SEC16A: variants seen among roughly 807,000 people sequenced by gnomAD.
SEC16A encodes the protein protein transport protein Sec16A.
Under a neutral mutation model 221.9 loss-of-function variants are expected in SEC16A, and 110 were observed. That is an observed-to-expected ratio of 0.50 (90% CI 0.42 to 0.58). SEC16A has a LOEUF of 0.58. SEC16A is among the 20% of genes least tolerant of loss of function. The pLI, the probability that SEC16A is intolerant of heterozygous loss-of-function variation, is 0.00. For missense variants in SEC16A, 3,165 were observed against 3,097.8 expected (o/e 1.02, Z -0.52); for synonymous variants, 1,393 against 1,257.7 (o/e 1.11, Z -2.28).
At position 136,450,006 on chromosome 9, in the gene SEC16A, C is replaced by A. The variant is rs376629309; in HGVS notation, c.6312+1250G>T. ...ATCACTTGAGGTCAGGAGTTTGAGA[C>A]CAGCCTGGCCAACATGGTGAAACCC... On this transcript the variant is annotated intron_variant, in intron 23 of 31. Transcript: ENST00000684901. Among the ~76,000 whole-genome samples, 50 of 152,220 alleles carry A rather than the reference C, an allele frequency of 3.3e-4. No individual in the cohort carries two copies. The East Asian group carries it at 6.0e-3, about 18-fold the overall frequency.
chr9:136,476,546 G>C lies in SEC16A; in HGVS notation c.1070C>G (p.Ser357Cys), dbSNP rs1421610177. Residue 357 changes from serine to cysteine, a missense_variant, in exon 3 of 32, where the codon TCT (serine) becomes TGT (cysteine). By Grantham distance (112) the Ser-to-Cys change is moderately radical (BLOSUM62 -1). This residue lies in a region of SEC16A where 2,030 missense variants were observed against 1,923.1 expected (regional missense o/e 1.06). Transcript: ENST00000684901. ...THHPLGAGAG[S>C]GCAPLEADSG... The stretch of plus-strand genomic sequence containing the variant: ...GTCTGCTTCTAGCGGGGCACAGCCA[G>C]ACCCGGCCCCAGCCCCCAGTGGGTG... 6.2e-7 allele frequency: 1 copy of C among 1,611,356 alleles called. No individual in the cohort carries two copies. Among genetic ancestry groups the C allele is most frequent in the Non-Finnish European group, 8.5e-7 (1 of 1,178,178 alleles).
rs758207088 is a variant in SEC16A, at chr9:136,463,774, A to G, written c.4447-34T>C. On this transcript the variant is annotated intron_variant, in intron 9 of 31. Coordinates refer to ENST00000684901, the MANE Select transcript of SEC16A (RefSeq NM_014866.2). ...AGAGGGCCGTGGGTCAGTGGCAGCC[A>G]GTGCGCAGCCACCCTGCTGGCAGGC... The G allele has an allele frequency of 3.1e-6, 5 of 1,609,192 alleles. No homozygotes were observed. The South Asian group carries it at 5.5e-5, about 18-fold the overall frequency.
intron 5 of SEC16A, among the ~76,000 whole-genome samples, chr9:136,467,890 C>T (rs536035517): frequency 6.6e-6 from 1 of 152,324 alleles, no homozygotes; most frequent in Non-Finnish European, 1.5e-5. Flanking sequence ...GCCACTGTGC[C>T]GCACACACTG....
At chr9:136,477,764 GAGAA>G (rs1841838286) in intron 2 of SEC16A, 80 bp from the exon 3 acceptor site, 1 of 1,319,836 alleles carries the variant, frequency 7.6e-7, no homozygotes, top group Admixed American at 2.9e-5. Flanking sequence ...TAAGGAAAAA[GAGAA>G]ACATTGAACA....
In SEC16A at chr9:136,459,093, T is replaced by C. The variant is rs1439701961; in HGVS notation, c.5409+41A>G. ...CAAAAGCTTGTTAGCACTGAGTGCCTGCCCAGCCATGACAGCTGCAGGCTG... is the reference window on the plus strand; with the variant it reads ...CAAAAGCTTGTTAGCACTGAGTGCCCGCCCAGCCATGACAGCTGCAGGCTG... On this transcript the variant is annotated intron_variant, in intron 17 of 31. Transcript: ENST00000684901. This position sits in a 1 kb window ranked among gnomAD's most constrained non-coding sequence, Gnocchi z 6.1. The C allele has an allele frequency of 6.8e-7, 1 of 1,466,738 alleles. No individual in the cohort carries two copies. Among genetic ancestry groups the C allele is most frequent in the Non-Finnish European group, 9.4e-7 (1 of 1,065,390 alleles). 90.9% of individuals were successfully genotyped at this position (1,466,738 alleles called of 1,614,324 possible).
rs1361392745 is a variant in SEC16A at position 136,445,630 on chromosome 9, G to C, written c.6867+15C>G. The stretch of plus-strand genomic sequence containing the variant: ...GGCCTGGGCTGCGGGGGGCCCTGGC[G>C]TCGGCACTCCTTACCTCTCCTCCCT... On this transcript the variant is annotated intron_variant, in intron 29 of 31. Transcript: ENST00000684901. 3 of 1,546,170 alleles carry C rather than the reference G, an allele frequency of 1.9e-6. No homozygotes were observed. The African/African-American group carries it at 4.1e-5, about 21-fold the overall frequency.
chr9:136,445,617 G>A (rs1195190593), intron 29 of SEC16A, 28 bp downstream of exon 29: 9 of 1,518,698 alleles, frequency 5.9e-6, no homozygotes, highest in African/African-American at 2.8e-5. Context: ...CCTGGGCTGC[G>A]GGGGGCCCTG....
rs758225467 is a variant in SEC16A, at chr9:136,446,898, G to A, written c.6749C>T (p.Ala2250Val). 1 of 1,613,314 alleles carries A rather than the reference G, an allele frequency of 6.2e-7. No individual in the cohort carries two copies. The highest frequency in any genetic ancestry group is 8.5e-7 in the Non-Finnish European group (1 of 1,179,778). Residue 2250 changes from alanine to valine, a missense_variant, in exon 28 of 32, where the codon GCA becomes GTA. Transcript: ENST00000684901. ...CTCTGGATTGGCCAGGCCCCTAGCT[G>A]CTGCAGGCCCTTCCCTGCCAGTCCC... ...PDGTGREGPA[A>V]ARGLANPEPA...
intron 3 of SEC16A, among the ~76,000 whole-genome samples, chr9:136,473,613 C>T (rs923122570): frequency 2.6e-5 from 4 of 152,228 alleles, no homozygotes; most frequent in Non-Finnish European, 4.4e-5. Flanking sequence ...TTTTATTCTC[C>T]AGGGGCATTT....
chr9:136,459,645 G>A lies in SEC16A; in HGVS notation c.5192-90C>T, dbSNP rs35857370. Reference sequence around the variant, plus strand: ...GACGCGCACAGAAGGCACCAGAGACGCCAGCCGGACCGAGAAGGCCGGGTT... The same window carrying A: ...GACGCGCACAGAAGGCACCAGAGACACCAGCCGGACCGAGAAGGCCGGGTT... On this transcript the variant is annotated intron_variant, in intron 15 of 31. Transcript: ENST00000684901. This position sits in a 1 kb window ranked among gnomAD's most constrained non-coding sequence, Gnocchi z 6.1. 0.24 allele frequency: 326,873 copies of A among 1,344,926 alleles called. 42,647 individuals are homozygous for A. Among genetic ancestry groups the A allele is most frequent in the Non-Finnish European group, 0.27 (261,757 of 965,672 alleles). 83.3% of individuals were successfully genotyped at this position (1,344,926 alleles called of 1,614,324 possible). A position where few individuals can be genotyped will look rare whatever the true frequency, so the allele number is the denominator to read the frequency against.
chr9:136,455,493 C>T, intron 20 of SEC16A, 108 bp downstream of exon 20: 1 of 1,060,186 alleles, frequency 9.4e-7, no homozygotes, highest in Non-Finnish European at 1.3e-6. Flanking sequence ...CTGCCTCCAA[C>T]AGTCCACATC....
rs764040110 is a variant in SEC16A, at chr9:136,471,971, G to A, written c.3704+4C>T. Reference sequence around the variant, plus strand: ...AGAGGCAGCCAGGGTGGGCGCGGCCGCACCTGGGAGGTGGCCGTTCCGAGG... The same window carrying A: ...AGAGGCAGCCAGGGTGGGCGCGGCCACACCTGGGAGGTGGCCGTTCCGAGG... On this transcript the variant is annotated splice_donor_region_variant and intron_variant, in intron 4 of 31. Coordinates refer to ENST00000684901, the MANE Select transcript of SEC16A (RefSeq NM_014866.2). 25 of 1,610,918 alleles carry A rather than the reference G, an allele frequency of 1.6e-5. No individual in the cohort carries two copies. The highest frequency in any genetic ancestry group is 2.7e-5 in the African/African-American group (2 of 74,932).
chr9:136,463,631 T>C (rs1367987166), intron 10 of SEC16A, 30 bp from the exon 11 acceptor site: 4 of 1,613,694 alleles, frequency 2.5e-6, no homozygotes, highest in Non-Finnish European at 3.4e-6. Context: ...TGAGCAGTGA[T>C]GTCTGCAAGG....
chr9:136,474,170 G>A lies in SEC16A; in HGVS notation c.3446C>T (p.Pro1149Leu). The change falls in exon 3 of 32, where the codon CCC becomes CTC. Residue 1149 changes from proline to leucine, a missense_variant. Around this residue, in one of 3 missense-constraint regions of SEC16A, gnomAD observed 2,030 missense variants for 1,923.1 expected, o/e 1.06. Coordinates refer to ENST00000684901, the MANE Select transcript of SEC16A (RefSeq NM_014866.2). ...PWPQPVPALA[P>L]GPPPQDLAAY... The stretch of plus-strand genomic sequence containing the variant: ...GGCCAGGTCCTGAGGCGGTGGGCCG[G>A]GGGCAAGTGCAGGCACTGGCTGTGG... 2 of 1,613,176 alleles carry A rather than the reference G, an allele frequency of 1.2e-6. No individual in the cohort carries two copies. The highest frequency in any genetic ancestry group is 1.7e-6 in the Non-Finnish European group (2 of 1,179,854).
intron 1 of SEC16A, among the ~76,000 whole-genome samples, chr9:136,479,859 G>A (rs758267289): frequency 2.0e-5 from 3 of 151,828 alleles, no homozygotes; most frequent in Non-Finnish European, 4.4e-5. Context: ...AAAAAATGCC[G>A]GTCGTGGTGG....
intron 1 of SEC16A, 142 bp downstream of exon 1, chr9:136,482,796 G>T: frequency 5.4e-6 from 1 of 184,350 alleles, no homozygotes; most frequent in Non-Finnish European, 1.0e-5. Flanking sequence ...GCCCCGGCGG[G>T]ACCCGAGATG....
At position 136,476,760 on chromosome 9, in the gene SEC16A, A is replaced by G; in HGVS notation, c.856T>C (p.Leu286=). Residue 286 remains leucine, a synonymous_variant, in exon 3 of 32, where the codon TTG becomes CTG. Transcript: ENST00000684901. ...PSDGRDEVSH[L]QSGSHLANNS... is the part of the protein sequence containing the mutation. ...TTGGCCAGGTGGCTTCCACTTTGCA[A>G]GTGGCTCACCTCGTCTCTTCCGTCA... is the stretch of plus-strand genomic sequence containing the variant. 1 of 1,610,364 alleles carries G rather than the reference A, an allele frequency of 6.2e-7. No individual in the cohort carries two copies. The highest frequency in any genetic ancestry group is 8.5e-7 in the Non-Finnish European group (1 of 1,177,446).
intron 20 of SEC16A, among the ~76,000 whole-genome samples, chr9:136,454,572 C>T (rs149223129): frequency 0.017 from 2,658 of 152,278 alleles, 45 homozygotes; most frequent in Middle Eastern, 0.051. Flanking sequence ...CAGCGGCACG[C>T]GGGCTCCAGG....
In SEC16A at chr9:136,454,178, G is replaced by A. The variant is rs910863545; in HGVS notation, c.6007C>T (p.Leu2003Phe). 10 of 1,558,792 alleles carry A rather than the reference G, an allele frequency of 6.4e-6. No homozygotes were observed. The highest frequency in any genetic ancestry group is 7.8e-6 in the Non-Finnish European group (9 of 1,151,074). ...TGCAGAGGTGGCACACCAGGTGGGA[G>A]GCCAGGCCCGGAGGGCTCCAGGAAG... ...LGFLEPSGPG[L>F]PPGVPPLQER... The change falls in exon 21 of 32, where the codon CTC becomes TTC. Residue 2003 changes from leucine (L) to phenylalanine (F), a missense_variant. Leu to Phe is a conservative substitution (Grantham distance 22, BLOSUM62 0). Coordinates refer to ENST00000684901, the MANE Select transcript of SEC16A (RefSeq NM_014866.2).
Sources: gnomAD v4.1 joint callset for allele counts (sites outside exome capture counted in the v4.1 genomes callset) on GRCh38, gnomAD v4.1.1 for gene constraint, gnomAD v4.1.1 regional missense constraint, Gnocchi (gnomAD v3.1) non-coding constraint, MANE v1.5 for transcripts, NCBI Gene and HGNC (gene_info 2026-07-23, HGNC 2026-07-21) for gene names.